UBE2F: variants seen among roughly 807,000 people sequenced by gnomAD.
UBE2F encodes ubiquitin conjugating enzyme E2 F (putative), also known as NEDD8-conjugating enzyme UBE2F.
A neutral mutation model predicts 29.6 loss-of-function variants in UBE2F; 5 were observed. The observed-to-expected ratio is 0.17, with a 90% CI of 0.09 to 0.36. UBE2F has a LOEUF of 0.36. Ranked by LOEUF, UBE2F falls within the 10% of genes least tolerant of loss-of-function variation. UBE2F has a pLI of 1.00. For synonymous variants in UBE2F, 66 were observed against 81.8 expected (o/e 0.81, Z 1.04); for missense variants, 141 against 228.5 (o/e 0.62, Z 2.47).
intron 4 of UBE2F, among the ~76,000 whole-genome samples, chr2:238,005,354 A>G (rs904505674): frequency 4.6e-5 from 7 of 151,998 alleles, no homozygotes; most frequent in African/African-American, 1.2e-4. Flanking sequence ...ATGCTACCAC[A>G]CCTGGCTGAT....
intron 5 of UBE2F, among the ~76,000 whole-genome samples, chr2:238,020,159 C>T (rs957908143): frequency 1.3e-5 from 2 of 152,206 alleles, no homozygotes; most frequent in Non-Finnish European, 2.9e-5. Flanking sequence ...CTCTCCTGAG[C>T]ATCTCTTTCC....
intron 9 of UBE2F, among the ~76,000 whole-genome samples, chr2:238,039,012 A>G (rs998557172): frequency 1.3e-5 from 2 of 152,358 alleles, no homozygotes; most frequent in East Asian, 1.9e-4. Flanking sequence ...AGGCAGGCAG[A>G]TCACCTGAGG....
chr2:237,967,022 T>G lies in UBE2F; in HGVS notation c.-127T>G. 1 of 1,266,530 alleles carries G rather than the reference T, an allele frequency of 7.9e-7. No homozygotes were observed. The highest frequency in any genetic ancestry group is 1.0e-6 in the Non-Finnish European group (1 of 999,668). 78.5% of individuals were successfully genotyped at this position (1,266,530 alleles called of 1,614,324 possible). On this transcript the variant is annotated 5_prime_UTR_variant, in exon 1 of 10. Coordinates refer to ENST00000272930, the MANE Select transcript of UBE2F (RefSeq NM_080678.3). This position sits in a 1 kb window ranked among gnomAD's most constrained non-coding sequence, Gnocchi z 6.3. The stretch of plus-strand genomic sequence containing the variant: ...CGAGTCCCCGCCCCGCCACTTCCGG[T>G]CCCGCCGCCGGGAGCCGGTGCGGCT...
chr2:238,036,603 T>G (rs2064714505), intron 9 of UBE2F, among the ~76,000 whole-genome samples: 1 of 152,168 alleles, frequency 6.6e-6, no homozygotes. Flanking sequence ...GGGAGGCCAC[T>G]GTGGGCAGAT....
At chr2:238,020,737 C>G (rs1387637344) in intron 5 of UBE2F, among the ~76,000 whole-genome samples, 1 of 152,226 alleles carries the variant, frequency 6.6e-6, no homozygotes, top group Non-Finnish European at 1.5e-5. Flanking sequence ...AACTCCCAGC[C>G]TAAAGCCTGC....
At chr2:237,993,427 C>T (rs1458452560) in intron 3 of UBE2F, among the ~76,000 whole-genome samples, 1 of 152,194 alleles carries the variant, frequency 6.6e-6, no homozygotes, top group South Asian at 2.1e-4. Flanking sequence ...AGAAGTTTAG[C>T]ATAGGCCTGG....
At chr2:238,036,395 G>A (rs2064708799) in intron 9 of UBE2F, among the ~76,000 whole-genome samples, 2 of 152,020 alleles carry the variant, frequency 1.3e-5, no homozygotes, top group South Asian at 4.1e-4. Flanking sequence ...GCCCAGGCTG[G>A]TCTTGAACGG....
At chr2:238,004,527 T>A (rs1487431960) in intron 4 of UBE2F, among the ~76,000 whole-genome samples, 1 of 152,226 alleles carries the variant, frequency 6.6e-6, no homozygotes. Flanking sequence ...TTAAAGACCT[T>A]TTAAAGACCA....
chr2:238,003,700 C>T (rs565186306), intron 4 of UBE2F, among the ~76,000 whole-genome samples: 1 of 152,168 alleles, frequency 6.6e-6, no homozygotes, highest in Non-Finnish European at 1.5e-5. Context: ...TTAAGTTTCC[C>T]GTTCCACCTG....
At chr2:237,986,456 T>G (rs1004873101) in intron 2 of UBE2F, among the ~76,000 whole-genome samples, 3 of 152,186 alleles carry the variant, frequency 2.0e-5, no homozygotes, top group African/African-American at 4.8e-5. Context: ...GCCTGGCACA[T>G]AGGCTGCCTT....
intron 7 of UBE2F, among the ~76,000 whole-genome samples, chr2:238,031,683 G>A (rs772687579): frequency 5.9e-5 from 9 of 152,062 alleles, no homozygotes; most frequent in Non-Finnish European, 1.2e-4. Flanking sequence ...AACAACTCTG[G>A]CTTTCAGTTT....
intron 4 of UBE2F, among the ~76,000 whole-genome samples, chr2:237,995,675 G>A (rs1576606913): frequency 6.6e-6 from 1 of 152,180 alleles, no homozygotes; most frequent in Non-Finnish European, 1.5e-5. Flanking sequence ...ATAAGTCCCG[G>A]CCTTGTCTCT....
intron 7 of UBE2F, 53 bp downstream of exon 7, chr2:238,030,666 T>C (rs2064552915): frequency 1.4e-6 from 2 of 1,404,932 alleles, no homozygotes; most frequent in African/African-American, 1.4e-5. Context: ...GTCCTCTCCC[T>C]GCAGTAGCCA....
intron 5 of UBE2F, 193 bp from the exon 6 acceptor site, chr2:238,025,149 C>T: frequency 1.7e-6 from 1 of 584,210 alleles, no homozygotes; most frequent in Non-Finnish European, 3.1e-6. Flanking sequence ...CTTGTGGATG[C>T]AGCGCATCAA....
chr2:238,004,959 A>G lies in UBE2F; in HGVS notation c.214+10150A>G, dbSNP rs114309672. 6.6e-3 allele frequency among the ~76,000 whole-genome samples: 1,008 copies of G among 152,302 alleles called. 15 individuals are homozygous for G. Among genetic ancestry groups the G allele is most frequent in the African/African-American group, 0.023 (967 of 41,548 alleles). Reference sequence around the variant, plus strand: ...TTCTGACCGCTGATAGTGCAAAGAGACAGCCTTTTCTGGGGCATCCAGAAA... The same window carrying G: ...TTCTGACCGCTGATAGTGCAAAGAGGCAGCCTTTTCTGGGGCATCCAGAAA... On this transcript the variant is annotated intron_variant, in intron 4 of 9. Coordinates refer to ENST00000272930, the MANE Select transcript of UBE2F (RefSeq NM_080678.3).
At chr2:238,011,696 T>G (rs947380779) in intron 4 of UBE2F, among the ~76,000 whole-genome samples, 70 of 152,370 alleles carry the variant, frequency 4.6e-4, no homozygotes, top group African/African-American at 1.3e-3. Flanking sequence ...TGAATGAATA[T>G]TATTTTATGC....
At chr2:238,018,872 T>G (rs1053414480) in intron 5 of UBE2F, among the ~76,000 whole-genome samples, 3 of 152,208 alleles carry the variant, frequency 2.0e-5, no homozygotes, top group Non-Finnish European at 4.4e-5. Context: ...TGAGAAAATG[T>G]TTGTCATACT....
At position 237,983,156 on chromosome 2, in the gene UBE2F, G is replaced by C. The variant is rs539307431; in HGVS notation, c.119-4807G>C. 7.2e-5 allele frequency among the ~76,000 whole-genome samples: 11 copies of C among 152,270 alleles called. No individual in the cohort carries two copies. The South Asian group carries it at 2.3e-3, about 32-fold the overall frequency. On this transcript the variant is annotated intron_variant, in intron 2 of 9. Transcript: ENST00000272930. ...AGTCAAGGGAATATTTTTTAATGTA[G>C]GGGCCACCACATAAGACTGCCAGGA...
intron 4 of UBE2F, chr2:238,003,294 T>A: frequency 2.2e-6 from 1 of 464,930 alleles, no homozygotes; most frequent in Non-Finnish European, 4.5e-6. Context: ...TCTTAAAATG[T>A]CAGTTATCTG....
Sources: allele counts gnomAD v4.1 joint callset (sites outside exome capture counted in the v4.1 genomes callset), GRCh38; gene constraint gnomAD v4.1.1; non-coding constraint Gnocchi (gnomAD v3.1); transcripts MANE v1.5; gene names NCBI Gene and HGNC (gene_info 2026-07-23, HGNC 2026-07-21).